MPPED1: variants seen among roughly 807,000 people sequenced by gnomAD.
MPPED1 encodes metallophosphoesterase domain containing 1.
In MPPED1, 16 loss-of-function variants were observed where a neutral mutation model predicts 36.2. That is an observed-to-expected ratio of 0.44 (90% CI 0.30 to 0.67). MPPED1 has a LOEUF of 0.67. MPPED1 is among the 30% of genes least tolerant of loss of function. The pLI is 0.10. For missense variants in MPPED1, 307 were observed against 453.4 expected (o/e 0.68, Z 2.93); for synonymous variants, 199 against 191.3 (o/e 1.04, Z -0.33).
chr22:43,437,465 A>G (rs954854095), intron 3 of MPPED1, among the ~76,000 whole-genome samples: 4 of 152,238 alleles, frequency 2.6e-5, no homozygotes, highest in African/African-American at 9.6e-5. Context: ...CAGCTTGTAA[A>G]TGGCAGAACT....
rs945216503 is a variant in MPPED1, at chr22:43,505,775, T to A, written c.*159T>A. The A allele has an allele frequency of 1.6e-6, 1 of 616,468 alleles. No individual in the cohort carries two copies. Among genetic ancestry groups the A allele is most frequent in the African/African-American group, 1.8e-5 (1 of 54,290 alleles). The allele number at this position is 616,468 out of a possible 1,614,324, so 38.2% of individuals were successfully genotyped here. A position where few individuals can be genotyped will look rare whatever the true frequency, so the allele number is the denominator to read the frequency against. On this transcript the variant is annotated 3_prime_UTR_variant, in exon 7 of 7. Transcript: ENST00000443721. ...CTTGGAACGACTCTTTAGCCTTCTGTCACCTGGAGTTGGGACCCTGCGCAT... is the reference window on the plus strand; with the variant it reads ...CTTGGAACGACTCTTTAGCCTTCTGACACCTGGAGTTGGGACCCTGCGCAT...
At chr22:43,412,245 G>A in intron 1 of MPPED1, 87 bp downstream of exon 1, 2 of 830,850 alleles carry the variant, frequency 2.4e-6, no homozygotes, top group Non-Finnish European at 2.9e-6. Context: ...GGCGCTGGGC[G>A]ACGCCCGCGG....
At chr22:43,447,574 G>A (rs920064817) in intron 3 of MPPED1, among the ~76,000 whole-genome samples, 1 of 151,758 alleles carries the variant, frequency 6.6e-6, no homozygotes, top group African/African-American at 2.4e-5. Flanking sequence ...TGGAGAATAC[G>A]ATCGCCACTT....
At chr22:43,487,692 C>A (rs1223679378) in intron 4 of MPPED1, among the ~76,000 whole-genome samples, 2 of 152,156 alleles carry the variant, frequency 1.3e-5, no homozygotes, top group East Asian at 1.9e-4. Flanking sequence ...TGGCCTGGCA[C>A]CCCAGGAATT....
Position 43,436,188 on chromosome 22 carries a change from G to A in MPPED1, c.406+973G>A, listed in dbSNP as rs369073718. 2.0e-5 allele frequency among the ~76,000 whole-genome samples: 3 copies of A among 152,364 alleles called. No individual in the cohort carries two copies. In the South Asian group the frequency reaches 6.2e-4, roughly 32 times the overall value. ...CCTTGGAATCCAGAGAAATCTCACA[G>A]TGAGGCATCTCTGTCCCCACCCGGG... On this transcript the variant is annotated intron_variant, in intron 3 of 6. Coordinates refer to ENST00000443721, the MANE Select transcript of MPPED1 (RefSeq NM_001044370.2).
chr22:43,457,990 T>A (rs1930814633), intron 3 of MPPED1, among the ~76,000 whole-genome samples: 1 of 152,228 alleles, frequency 6.6e-6, no homozygotes. Context: ...TATGTTTAGA[T>A]ATACAAATAC....
chr22:43,475,127 C>G (rs993448717), intron 4 of MPPED1, among the ~76,000 whole-genome samples, 166 bp downstream of exon 4: 2 of 152,144 alleles, frequency 1.3e-5, no homozygotes, highest in African/African-American at 4.8e-5. Flanking sequence ...CACCGCTGCT[C>G]TCTGGGCCTG....
At chr22:43,441,092 C>T (rs545655429) in intron 3 of MPPED1, among the ~76,000 whole-genome samples, 1 of 152,274 alleles carries the variant, frequency 6.6e-6, no homozygotes, top group South Asian at 2.1e-4. Context: ...CCAGCCACTG[C>T]ATTGTCTAGT....
chr22:43,488,528 C>T (rs981800374), intron 4 of MPPED1, among the ~76,000 whole-genome samples: 2 of 152,168 alleles, frequency 1.3e-5, no homozygotes, highest in African/African-American at 4.8e-5. Context: ...GCTAAGCAGG[C>T]TTAATTAGAC....
At chr22:43,491,648 T>TGGTG (rs1932094152) in intron 4 of MPPED1, among the ~76,000 whole-genome samples, 1 of 44,010 alleles carries the variant, frequency 2.3e-5, no homozygotes, top group Non-Finnish European at 4.9e-5. Flanking sequence ...AGGTGGTGGT[T>TGGTG]ATGGAGGTGG....
In MPPED1 at chr22:43,491,787, GTAA is replaced by G. The variant is rs1261224884; in HGVS notation, c.633-6446_633-6444del. Among the ~76,000 whole-genome samples the G allele has an allele frequency of 6.1e-4, 91 of 149,622 alleles. 1 individual carries two copies. The highest frequency in any genetic ancestry group is 1.2e-3 in the Admixed American group (18 of 15,082). On this transcript the variant is annotated intron_variant, in intron 4 of 6. Transcript: ENST00000443721. ...GATGGAGGTGGTAATGGAGGTGGTG[GTAA>G]TGATTGAGGTGGTGGTGATGGTGGT...
chr22:43,460,504 T>C (rs941293245), intron 3 of MPPED1, among the ~76,000 whole-genome samples: 2 of 151,992 alleles, frequency 1.3e-5, no homozygotes, highest in African/African-American at 4.8e-5. Flanking sequence ...GCTGTGGATG[T>C]TTTAAATAAC....
At chr22:43,489,381 G>A (rs150343154) in intron 4 of MPPED1, among the ~76,000 whole-genome samples, 157 of 152,122 alleles carry the variant, frequency 1.0e-3, no homozygotes, top group African/African-American at 3.5e-3. Flanking sequence ...CTACTCAGTC[G>A]TGCCCACCCA....
chr22:43,412,559 C>T (rs1004415540), intron 1 of MPPED1, among the ~76,000 whole-genome samples: 6 of 152,200 alleles, frequency 3.9e-5, no homozygotes, highest in Non-Finnish European at 7.3e-5. Context: ...CAAGCCCCTG[C>T]TGGCACTTGG....
intron 3 of MPPED1, among the ~76,000 whole-genome samples, chr22:43,457,973 A>G (rs558598464): frequency 6.6e-6 from 1 of 152,162 alleles, no homozygotes; most frequent in Non-Finnish European, 1.5e-5. Context: ...AATTTTACTT[A>G]CTTTTCTATG....
At chr22:43,412,201 G>T in intron 1 of MPPED1, 43 bp downstream of exon 1, 1 of 959,046 alleles carries the variant, frequency 1.0e-6, no homozygotes, top group South Asian at 4.7e-5. Context: ...GCGGGCGGGA[G>T]GCCGGGCGCG....
intron 5 of MPPED1, among the ~76,000 whole-genome samples, chr22:43,499,671 G>A (rs1338426290): frequency 1.9e-5 from 2 of 105,910 alleles, no homozygotes; most frequent in African/African-American, 7.5e-5. Context: ...GGCGGTGATG[G>A]GGGTGATGGT....
At chr22:43,492,338 T>C (rs1434228363) in intron 4 of MPPED1, among the ~76,000 whole-genome samples, 1 of 152,066 alleles carries the variant, frequency 6.6e-6, no homozygotes, top group Non-Finnish European at 1.5e-5. Flanking sequence ...AAATCATGTG[T>C]GTGCATGTCA....
At position 43,505,858 on chromosome 22, in the gene MPPED1, T is replaced by C. The variant is rs1932800973; in HGVS notation, c.*242T>C. 2 of 487,096 alleles carry C rather than the reference T, an allele frequency of 4.1e-6. No homozygotes were observed. Among genetic ancestry groups the C allele is most frequent in the South Asian group, 3.2e-5 (1 of 30,952 alleles). The allele number at this position is 487,096 out of a possible 1,614,324, so 30.2% of individuals were successfully genotyped here. A position where few individuals can be genotyped will look rare whatever the true frequency, so the allele number is the denominator to read the frequency against. On this transcript the variant is annotated 3_prime_UTR_variant, in exon 7 of 7. Transcript: ENST00000443721. ...TCTGCGTGTACATCCTGCGTGTACC[T>C]CGTTAAAGGACCTACTAAGCTCATG... is the stretch of plus-strand genomic sequence containing the variant.
Sources: allele counts gnomAD v4.1 joint callset (sites outside exome capture counted in the v4.1 genomes callset), GRCh38; gene constraint gnomAD v4.1.1; transcripts MANE v1.5; gene names NCBI Gene and HGNC (gene_info 2026-07-23, HGNC 2026-07-21).